The following PLEKHM3 variants were observed in gnomAD, a reference collection of about 807,000 sequenced individuals.
PLEKHM3 encodes pleckstrin homology domain containing M3.
In PLEKHM3, 45 loss-of-function variants were observed where a neutral mutation model predicts 81.8. The ratio of observed to expected loss-of-function variants is 0.55; its 90% CI spans 0.43 to 0.71. The LOEUF (loss-of-function observed/expected upper bound fraction) is 0.71, where lower values mean the gene tolerates loss of function less well. Among genes scored for constraint, PLEKHM3 ranks in the 30% least tolerant of loss-of-function variants. PLEKHM3 has a pLI of 0.00. For missense variants in PLEKHM3, 788 were observed against 924.3 expected, an observed-to-expected ratio of 0.85 and a Z score of 1.91; for synonymous variants, 352 against 356.4, an observed-to-expected ratio of 0.99 and a Z score of 0.14.
At chr2:207,993,375 G>T (rs1177885525) in intron 2 of PLEKHM3, among the ~76,000 whole-genome samples, 14 of 152,220 alleles carry the variant, frequency 9.2e-5, no homozygotes, top group Admixed American at 7.9e-4. Flanking sequence ...TTCAGCAAGA[G>T]ACCATGTCCT....
chr2:207,943,643 C>T (rs975133813), intron 4 of PLEKHM3, among the ~76,000 whole-genome samples: 3 of 151,790 alleles, frequency 2.0e-5, no homozygotes, highest in Non-Finnish European at 2.9e-5. Flanking sequence ...CCGAGGCGGG[C>T]GGATCACGAG....
intron 7 of PLEKHM3, among the ~76,000 whole-genome samples, chr2:207,858,133 GAT>G (rs1491457625): frequency 1.0e-3 from 111 of 111,430 alleles, no homozygotes; most frequent in South Asian, 4.6e-3. Flanking sequence ...GTTTCATATA[GAT>G]ATGTGTGTGT....
At chr2:207,830,486 G>A (rs977872958) in intron 7 of PLEKHM3, among the ~76,000 whole-genome samples, 1 of 151,870 alleles carries the variant, frequency 6.6e-6, no homozygotes, top group African/African-American at 2.4e-5. Context: ...GGTGACGCAT[G>A]CCTGTAATCC....
intron 7 of PLEKHM3, among the ~76,000 whole-genome samples, chr2:207,844,469 ATT>A (rs74889084): frequency 1.4e-4 from 20 of 138,338 alleles, no homozygotes; most frequent in East Asian, 2.1e-4. Context: ...CGCCCGGAGA[ATT>A]TTTTTTTTTT....
rs1271284682 is a variant in PLEKHM3 at position 207,825,663 on chromosome 2, T to G, written c.*2656A>C. 1 of 152,214 alleles carries G rather than the reference T, an allele frequency of 6.6e-6. No homozygotes were observed. The highest frequency in any genetic ancestry group is 1.5e-5 in the Non-Finnish European group (1 of 68,054). 9.4% of individuals were successfully genotyped at this position (152,214 alleles called of 1,614,324 possible). A position where few individuals can be genotyped will look rare whatever the true frequency, so the allele number is the denominator to read the frequency against. On this transcript the variant is annotated 3_prime_UTR_variant, in exon 8 of 8. Coordinates refer to ENST00000427836, the MANE Select transcript of PLEKHM3 (RefSeq NM_001080475.3). Reference sequence around the variant, plus strand: ...CAACTCCTAAGCTGGCTCCACTCTGTCCTATCAGATTTTGGTGGTGGTGGC... The same window carrying G: ...CAACTCCTAAGCTGGCTCCACTCTGGCCTATCAGATTTTGGTGGTGGTGGC...
chr2:208,006,155 C>T (rs1338889483), intron 1 of PLEKHM3, among the ~76,000 whole-genome samples: 2 of 152,138 alleles, frequency 1.3e-5, no homozygotes, highest in South Asian at 2.1e-4. Context: ...CTCTGTTTTC[C>T]AACCTTACTC....
chr2:207,876,795 T>C (rs964001263), intron 6 of PLEKHM3, among the ~76,000 whole-genome samples: 6 of 152,186 alleles, frequency 3.9e-5, no homozygotes, highest in African/African-American at 1.4e-4. Flanking sequence ...CAACCAAGAT[T>C]CAGGTCTGCT....
chr2:207,828,254 A>T lies in PLEKHM3; in HGVS notation c.*65T>A, dbSNP rs960770458. On this transcript the variant is annotated 3_prime_UTR_variant, in exon 8 of 8. Transcript: ENST00000427836. Reference sequence around the variant, plus strand: ...TCCAAAGGGGTCTAACTGGCTAGTTAGGAGGCCGCTCTGGGGCTGATGGAT... The same window carrying T: ...TCCAAAGGGGTCTAACTGGCTAGTTTGGAGGCCGCTCTGGGGCTGATGGAT... The T allele has an allele frequency of 3.1e-5, 48 of 1,535,956 alleles. No individual in the cohort carries two copies. The African/African-American group carries it at 6.3e-4, about 20-fold the overall frequency.
At chr2:208,022,448 T>C (rs1693160579) in intron 1 of PLEKHM3, among the ~76,000 whole-genome samples, 1 of 152,192 alleles carries the variant, frequency 6.6e-6, no homozygotes, top group Admixed American at 6.5e-5. Context: ...GCTGGGCTCT[T>C]ATCTATTAAT....
At chr2:208,007,279 T>C (rs923156515) in intron 1 of PLEKHM3, among the ~76,000 whole-genome samples, 3 of 152,284 alleles carry the variant, frequency 2.0e-5, no homozygotes. Context: ...ATCACCTTGG[T>C]TGAAGGTTGT....
chr2:208,006,047 G>C (rs964487692), intron 1 of PLEKHM3, among the ~76,000 whole-genome samples: 3 of 152,122 alleles, frequency 2.0e-5, no homozygotes, highest in African/African-American at 7.2e-5. Flanking sequence ...TGATCAGCCA[G>C]TCTCTCTAGA....
chr2:207,900,975 G>A, intron 6 of PLEKHM3: 2 of 405,628 alleles, frequency 4.9e-6, no homozygotes, highest in Non-Finnish European at 4.4e-6. Flanking sequence ...GCACTCAGAT[G>A]ACTGCATGCC....
chr2:207,934,379 T>C (rs1574420888), intron 4 of PLEKHM3, among the ~76,000 whole-genome samples: 1 of 152,230 alleles, frequency 6.6e-6, no homozygotes, highest in African/African-American at 2.4e-5. Flanking sequence ...CTCTTTTCCA[T>C]GATACCACTC....
intron 5 of PLEKHM3, among the ~76,000 whole-genome samples, chr2:207,919,543 T>C (rs1233689914): frequency 6.6e-6 from 1 of 152,082 alleles, no homozygotes; most frequent in Non-Finnish European, 1.5e-5. Context: ...GAAAAGTGGA[T>C]AGATTTTGAA....
chr2:207,923,905 A>ATATATATATATAT (rs1396762429), intron 5 of PLEKHM3, among the ~76,000 whole-genome samples: 3 of 28,340 alleles, frequency 1.1e-4, no homozygotes, highest in Non-Finnish European at 1.9e-4. Context: ...ATATATATAT[A>ATATATATATATAT]TTTTTTTTTT....
At chr2:207,848,691 C>A (rs1236237787) in intron 7 of PLEKHM3, among the ~76,000 whole-genome samples, 1 of 152,220 alleles carries the variant, frequency 6.6e-6, no homozygotes, top group Non-Finnish European at 1.5e-5. Context: ...AGTGCCAAGG[C>A]AAAGAACAAA....
chr2:207,859,327 G>A (rs1391093181), intron 7 of PLEKHM3, among the ~76,000 whole-genome samples: 4 of 151,584 alleles, frequency 2.6e-5, no homozygotes, highest in East Asian at 1.9e-4. Flanking sequence ...TAGTAGAGAC[G>A]GGGTTTCTCC....
intron 6 of PLEKHM3, 144 bp downstream of exon 6, chr2:207,908,370 T>A (rs936593852): frequency 5.1e-6 from 4 of 788,330 alleles, no homozygotes; most frequent in Non-Finnish European, 8.4e-6. Flanking sequence ...TATACTAAGT[T>A]TTCCCCCCAT....
chr2:207,861,536 G>A (rs2092467219), intron 6 of PLEKHM3, among the ~76,000 whole-genome samples: 1 of 152,166 alleles, frequency 6.6e-6, no homozygotes, highest in Non-Finnish European at 1.5e-5. Context: ...AACAAATGGG[G>A]AACCCTGCTT....
Sources: gnomAD v4.1 joint callset for allele counts (sites outside exome capture counted in the v4.1 genomes callset) on GRCh38, gnomAD v4.1.1 for gene constraint, MANE v1.5 for transcripts, NCBI Gene and HGNC (gene_info 2026-07-23, HGNC 2026-07-21) for gene names.